The following ESR1 variants were observed in gnomAD, a reference collection of about 807,000 sequenced individuals.
The protein encoded by ESR1 is estrogen receptor.
A neutral mutation model predicts 52.7 loss-of-function variants in ESR1; 12 were observed. The ratio of observed to expected loss-of-function variants is 0.23; its 90% CI spans 0.15 to 0.37. ESR1 has a LOEUF of 0.37. Among genes scored for constraint, ESR1 ranks in the 10% least tolerant of loss-of-function variants. The pLI is 1.00. For synonymous variants in ESR1, 305 were observed against 316.8 expected (o/e 0.96, Z 0.39); for missense variants, 584 against 779.7 (o/e 0.75, Z 2.99).
At chr6:151,660,364 G>C (rs776213223) in intron 1 of ESR1, among the ~76,000 whole-genome samples, 1 of 152,168 alleles carries the variant, frequency 6.6e-6, no homozygotes, top group Non-Finnish European at 1.5e-5. Context: ...GCTTTTGAGA[G>C]GGACAGTTCT....
At chr6:151,712,070 A>G (rs1582979963) in intron 2 of ESR1, among the ~76,000 whole-genome samples, 2 of 152,276 alleles carry the variant, frequency 1.3e-5, no homozygotes, top group African/African-American at 4.8e-5. Context: ...ATGGCTCGCC[A>G]GTTTTCCCAT....
intron 6 of ESR1, among the ~76,000 whole-genome samples, chr6:152,084,699 T>G (rs1340037353): frequency 7.2e-6 from 1 of 138,142 alleles, no homozygotes; most frequent in Non-Finnish European, 1.5e-5. Context: ...CACAGGCTTT[T>G]AATTGAAAAA....
chr6:151,973,439 A>G (rs1394814426), intron 4 of ESR1, among the ~76,000 whole-genome samples: 2 of 152,194 alleles, frequency 1.3e-5, no homozygotes, highest in Admixed American at 6.5e-5. Flanking sequence ...GGCTAACTTT[A>G]CTGCAGAGTC....
In ESR1 at chr6:152,098,719, T is replaced by C. The variant is rs2152506165; in HGVS notation, c.1554-13T>C. The C allele has an allele frequency of 6.2e-7, 1 of 1,611,750 alleles. No homozygotes were observed. Among genetic ancestry groups the C allele is most frequent in the South Asian group, 1.1e-5 (1 of 90,932 alleles). ...GCTCTAAAGTAGTCCTTTCTGTGTC[T>C]TCCCACCTACAGTAACAAAGGCATG... On this transcript the variant is annotated splice_polypyrimidine_tract_variant and intron_variant, in intron 7 of 7. Coordinates refer to ENST00000206249, the MANE Select transcript of ESR1 (RefSeq NM_000125.4). The surrounding 1 kb of genome is among the most constrained non-coding windows in gnomAD (Gnocchi z 5.1).
intron 6 of ESR1, among the ~76,000 whole-genome samples, chr6:152,114,823 G>A (rs1279438892): frequency 1.7e-4 from 25 of 148,008 alleles, no homozygotes; most frequent in South Asian, 4.4e-4. Flanking sequence ...CCCGGGAGGC[G>A]GAGCTTGCAG....
At chr6:151,817,083 T>C (rs1779776137) in intron 1 of ESR1, among the ~76,000 whole-genome samples, 1 of 152,072 alleles carries the variant, frequency 6.6e-6, no homozygotes, top group Admixed American at 6.5e-5. Flanking sequence ...ATGGGAACTG[T>C]GAGAAAGAAG....
At chr6:151,870,633 G>C (rs1214275957) in intron 2 of ESR1, among the ~76,000 whole-genome samples, 2 of 152,134 alleles carry the variant, frequency 1.3e-5, no homozygotes, top group African/African-American at 2.4e-5. Flanking sequence ...TGTAACATGG[G>C]AACTAGGGTA....
chr6:152,032,383 T>C (rs564427915), intron 5 of ESR1, among the ~76,000 whole-genome samples: 1 of 152,316 alleles, frequency 6.6e-6, no homozygotes, highest in African/African-American at 2.4e-5. Flanking sequence ...ATTGCATATC[T>C]AGAAAACTCC....
chr6:151,693,572 T>A (rs189517286), intron 1 of ESR1, among the ~76,000 whole-genome samples: 2 of 152,334 alleles, frequency 1.3e-5, no homozygotes, highest in East Asian at 3.9e-4. Context: ...CAGAAGCATG[T>A]TGCTTCATTG....
At chr6:151,913,069 C>T (rs1798525127) in intron 3 of ESR1, among the ~76,000 whole-genome samples, 1 of 151,180 alleles carries the variant, frequency 6.6e-6, no homozygotes, top group African/African-American at 2.4e-5. Context: ...ACATATATCC[C>T]AGAACTAAAA....
At chr6:151,659,308 C>A (rs1047978148) in intron 1 of ESR1, among the ~76,000 whole-genome samples, 9 of 152,128 alleles carry the variant, frequency 5.9e-5, no homozygotes, top group Admixed American at 5.9e-4. Flanking sequence ...CCACTGTGCC[C>A]GGCCTGCTAA....
chr6:151,831,477 G>A (rs1306102286), intron 1 of ESR1, among the ~76,000 whole-genome samples: 10 of 152,068 alleles, frequency 6.6e-5, no homozygotes, highest in Admixed American at 6.5e-4. Context: ...AGTATTTCTG[G>A]GTTTAAGGAT....
At chr6:152,109,423 T>C (rs2051104883) in intron 6 of ESR1, among the ~76,000 whole-genome samples, 1 of 151,808 alleles carries the variant, frequency 6.6e-6, no homozygotes, top group Non-Finnish European at 1.5e-5. Flanking sequence ...CCCAGCACTT[T>C]GAGAGGCCAA....
intron 5 of ESR1, among the ~76,000 whole-genome samples, chr6:152,027,882 G>A (rs573914330): frequency 1.6e-4 from 24 of 152,172 alleles, no homozygotes; most frequent in African/African-American, 5.5e-4. Flanking sequence ...GGTGGCTCAT[G>A]CCTGTAATCC....
At chr6:151,683,938 C>T (rs763292314) in intron 1 of ESR1, among the ~76,000 whole-genome samples, 9 of 149,946 alleles carry the variant, frequency 6.0e-5, no homozygotes, top group Non-Finnish European at 1.2e-4. Flanking sequence ...TTTCGAACTC[C>T]TGAGCTCAAC....
chr6:151,731,508 C>CA (rs1401678099), intron 2 of ESR1, among the ~76,000 whole-genome samples: 4 of 152,094 alleles, frequency 2.6e-5, no homozygotes, highest in African/African-American at 9.7e-5. Context: ...GACAGAGTCA[C>CA]AAGAGAGACG....
chr6:152,002,438 T>A (rs1335662043), intron 4 of ESR1, among the ~76,000 whole-genome samples: 2 of 151,938 alleles, frequency 1.3e-5, no homozygotes, highest in Non-Finnish European at 2.9e-5. Context: ...CTGATGACAA[T>A]AGTATTTGAA....
chr6:152,013,018 CA>C (rs1204272192), intron 5 of ESR1, among the ~76,000 whole-genome samples: 9 of 152,150 alleles, frequency 5.9e-5, no homozygotes, highest in Non-Finnish European at 1.0e-4. Flanking sequence ...AGTGGTGATA[CA>C]GTTTAAGAAG....
intron 1 of ESR1, among the ~76,000 whole-genome samples, chr6:151,680,332 T>C (rs1464023644): frequency 2.6e-5 from 4 of 151,652 alleles, no homozygotes; most frequent in African/African-American, 9.7e-5. Flanking sequence ...GCCTCCCGAG[T>C]AGCTGGGACT....
Sources: gnomAD v4.1 joint callset for allele counts (sites outside exome capture counted in the v4.1 genomes callset) on GRCh38, gnomAD v4.1.1 for gene constraint, Gnocchi (gnomAD v3.1) non-coding constraint, MANE v1.5 for transcripts, NCBI Gene and HGNC (gene_info 2026-07-23, HGNC 2026-07-21) for gene names.